The following EIF2AK3 variants were observed in gnomAD, a reference collection of about 807,000 sequenced individuals.
EIF2AK3 encodes eukaryotic translation initiation factor 2 alpha kinase 3.
In EIF2AK3, 50 loss-of-function variants were observed where a neutral mutation model predicts 113.5. The observed-to-expected ratio is 0.44, with a 90% confidence interval of 0.35 to 0.56. The LOEUF (loss-of-function observed/expected upper bound fraction) is 0.56. Ranked by LOEUF, EIF2AK3 falls within the 20% of genes least tolerant of loss-of-function variation. The pLI, the probability that EIF2AK3 is intolerant of heterozygous loss-of-function variation, is 0.00. For missense variants in EIF2AK3, 1,185 were observed against 1,378.0 expected, an observed-to-expected ratio of 0.86 and a Z score of 2.22; for synonymous variants, 448 against 495.4, an observed-to-expected ratio of 0.90 and a Z score of 1.27.
intron 15 of EIF2AK3, among the ~76,000 whole-genome samples, chr2:88,559,593 AAG>A (rs1270437433): frequency 1.3e-5 from 2 of 148,226 alleles, no homozygotes; most frequent in East Asian, 2.0e-4. Flanking sequence ...GGGAGGGAGA[AAG>A]AGAAAGGGGA....
chr2:88,616,588 G>A (rs900455345), intron 1 of EIF2AK3, among the ~76,000 whole-genome samples: 10 of 151,952 alleles, frequency 6.6e-5, no homozygotes, highest in East Asian at 3.9e-4. Context: ...CATCACACCC[G>A]GCTAATTTTT....
At chr2:88,615,662 T>C (rs1236392299) in intron 1 of EIF2AK3, among the ~76,000 whole-genome samples, 5 of 152,198 alleles carry the variant, frequency 3.3e-5, no homozygotes, top group African/African-American at 4.8e-5. Flanking sequence ...TATTTTGTTA[T>C]AGCAGCATTC....
intron 3 of EIF2AK3, among the ~76,000 whole-genome samples, chr2:88,594,830 T>TAAAA (rs58582485): frequency 2.6e-5 from 3 of 115,076 alleles, no homozygotes; most frequent in African/African-American, 6.5e-5. Flanking sequence ...TGTCAAAATG[T>TAAAA]AAAAAAAAAA....
At chr2:88,602,953 T>G (rs1461229455) in intron 2 of EIF2AK3, among the ~76,000 whole-genome samples, 1 of 151,942 alleles carries the variant, frequency 6.6e-6, no homozygotes, top group African/African-American at 2.4e-5. Context: ...ATCCTGGAAC[T>G]TAAAGTAAAA....
chr2:88,561,806 C>G (rs1194551881), intron 15 of EIF2AK3, among the ~76,000 whole-genome samples: 1 of 152,138 alleles, frequency 6.6e-6, no homozygotes, highest in Non-Finnish European at 1.5e-5. Flanking sequence ...CTGCAGCGAG[C>G]TGTGATCACA....
intron 9 of EIF2AK3, among the ~76,000 whole-genome samples, chr2:88,584,248 G>A (rs1674664271): frequency 1.3e-5 from 2 of 152,210 alleles, no homozygotes; most frequent in Admixed American, 6.5e-5. Context: ...CAGGCGTGGT[G>A]GCTCATGCCT....
At chr2:88,559,546 GTACATTTACA>G (rs1673883350) in intron 15 of EIF2AK3, among the ~76,000 whole-genome samples, 1 of 143,482 alleles carries the variant, frequency 7.0e-6, no homozygotes, top group African/African-American at 2.5e-5. Context: ...GTGTGTGTAT[GTACATTTACA>G]TATATGTGTA....
intron 2 of EIF2AK3, among the ~76,000 whole-genome samples, chr2:88,598,457 G>C (rs1478756384): frequency 3.9e-5 from 6 of 152,202 alleles, no homozygotes; most frequent in Non-Finnish European, 7.3e-5. Context: ...TAGATGCCCT[G>C]AGAGAGACTG....
chr2:88,557,465 A>G lies in EIF2AK3; in HGVS notation c.*271T>C, dbSNP rs886056414. 1 of 493,596 alleles carries G rather than the reference A, an allele frequency of 2.0e-6. No homozygotes were observed. Among genetic ancestry groups the G allele is most frequent in the South Asian group, 2.2e-5 (1 of 45,942 alleles). The allele number at this position is 493,596 out of a possible 1,614,324, so 30.6% of individuals were successfully genotyped here. A position where few individuals can be genotyped will look rare whatever the true frequency, so the allele number is the denominator to read the frequency against. ...GGGATTGCTGCTACCTCCTTAGGCA[A>G]ATGGTGAGGGCTATAAAGCTTGGCC... On this transcript the variant is annotated 3_prime_UTR_variant, in exon 17 of 17. Transcript: ENST00000303236.
chr2:88,561,944 T>C (rs950114782), intron 15 of EIF2AK3, among the ~76,000 whole-genome samples: 1 of 152,248 alleles, frequency 6.6e-6, no homozygotes, highest in Non-Finnish European at 1.5e-5. Flanking sequence ...TAATTATGCT[T>C]AATCTGCCAG....
chr2:88,606,268 A>C (rs1201319545), intron 2 of EIF2AK3, among the ~76,000 whole-genome samples: 2 of 151,926 alleles, frequency 1.3e-5, no homozygotes, highest in Non-Finnish European at 1.5e-5. Context: ...TATATTCATG[A>C]CATAAACAAT....
chr2:88,626,931 A>T, intron 1 of EIF2AK3, 36 bp downstream of exon 1: 1 of 1,604,090 alleles, frequency 6.2e-7, no homozygotes, highest in Non-Finnish European at 8.5e-7. Flanking sequence ...TCGCGCGCGT[A>T]AACAAGTTGC....
At chr2:88,625,103 A>G (rs1356884277) in intron 1 of EIF2AK3, among the ~76,000 whole-genome samples, 1 of 152,194 alleles carries the variant, frequency 6.6e-6, no homozygotes, top group Non-Finnish European at 1.5e-5. Flanking sequence ...TAAAATGCAG[A>G]TACTCTCATT....
chr2:88,565,015 T>G (rs1674070002), intron 14 of EIF2AK3, among the ~76,000 whole-genome samples: 1 of 152,094 alleles, frequency 6.6e-6, no homozygotes, highest in Non-Finnish European at 1.5e-5. Context: ...ATAATAAATT[T>G]TTAAAAACAC....
At chr2:88,571,473 C>T (rs1674306436) in intron 13 of EIF2AK3, among the ~76,000 whole-genome samples, 1 of 152,206 alleles carries the variant, frequency 6.6e-6, no homozygotes. Context: ...ACTACTAACT[C>T]ATGTACTACA....
chr2:88,585,303 T>C (rs2104428352), intron 9 of EIF2AK3, among the ~76,000 whole-genome samples: 1 of 151,920 alleles, frequency 6.6e-6, no homozygotes, highest in Non-Finnish European at 1.5e-5. Context: ...AGAAAAATGC[T>C]AGAACAGGCT....
At chr2:88,590,742 G>C in intron 5 of EIF2AK3, 76 bp downstream of exon 5, 3 of 1,579,484 alleles carry the variant, frequency 1.9e-6, no homozygotes, top group South Asian at 2.2e-5. Flanking sequence ...TAGTAATTTC[G>C]TTCCACCCAA....
chr2:88,599,265 T>C (rs1558658452), intron 2 of EIF2AK3, among the ~76,000 whole-genome samples: 2 of 152,260 alleles, frequency 1.3e-5, no homozygotes, highest in East Asian at 3.9e-4. Context: ...GGTATATACC[T>C]TACCTAATAT....
chr2:88,593,680 A>G (rs1374297729), intron 3 of EIF2AK3, among the ~76,000 whole-genome samples: 1 of 152,224 alleles, frequency 6.6e-6, no homozygotes, highest in Non-Finnish European at 1.5e-5. Flanking sequence ...AATATACAAG[A>G]AGAAATGGAT....
Sources: gnomAD v4.1 joint callset for allele counts (sites outside exome capture counted in the v4.1 genomes callset) on GRCh38, gnomAD v4.1.1 for gene constraint, MANE v1.5 for transcripts, NCBI Gene and HGNC (gene_info 2026-07-23, HGNC 2026-07-21) for gene names.